Variants in DLG2 observed in about 807,000 individuals in gnomAD.
DLG2 encodes discs large MAGUK scaffold protein 2, also known as disks large homolog 2.
In DLG2, 45 loss-of-function variants were observed where a neutral mutation model predicts 132.5. The ratio of observed to expected loss-of-function variants is 0.34; its 90% CI spans 0.27 to 0.44. DLG2 has a LOEUF of 0.44. DLG2 is among the 20% of genes least tolerant of loss of function. The pLI is 1.00. For synonymous variants in DLG2, 424 were observed against 419.6 expected, an observed-to-expected ratio of 1.01 and a Z score of -0.13; for missense variants, 1,045 against 1,196.9, an observed-to-expected ratio of 0.87 and a Z score of 1.87.
intron 3 of DLG2, among the ~76,000 whole-genome samples, chr11:85,587,088 A>G (rs2079018836): frequency 6.6e-6 from 1 of 152,128 alleles, no homozygotes; most frequent in Non-Finnish European, 1.5e-5. Context: ...ATTTTCTTAA[A>G]TTAATATTGA....
At chr11:83,954,070 G>C (rs1476196339) in intron 14 of DLG2, among the ~76,000 whole-genome samples, 1 of 152,162 alleles carries the variant, frequency 6.6e-6, no homozygotes, top group Non-Finnish European at 1.5e-5. Context: ...ATAGAGCATA[G>C]TGTTGTGTGT....
intron 9 of DLG2, among the ~76,000 whole-genome samples, chr11:84,101,970 A>G (rs1047129362): frequency 6.6e-6 from 1 of 152,176 alleles, no homozygotes; most frequent in African/African-American, 2.4e-5. Context: ...CCCAGGAACA[A>G]TGAAGTGAAC....
chr11:85,570,161 C>CTG (rs1264087569), intron 3 of DLG2, among the ~76,000 whole-genome samples: 1 of 152,082 alleles, frequency 6.6e-6, no homozygotes, highest in African/African-American at 2.4e-5. Flanking sequence ...GAAAAACTTG[C>CTG]ATCACCCACT....
chr11:83,877,859 C>T (rs187301620), intron 15 of DLG2, among the ~76,000 whole-genome samples: 1 of 152,168 alleles, frequency 6.6e-6, no homozygotes, highest in Admixed American at 6.6e-5. Context: ...TTTGGAGCTA[C>T]CTGATGGTGA....
At chr11:85,292,173 A>T (rs1221713713) in intron 3 of DLG2, among the ~76,000 whole-genome samples, 1 of 152,114 alleles carries the variant, frequency 6.6e-6, no homozygotes, top group Non-Finnish European at 1.5e-5. Context: ...TCTCTTCTGC[A>T]AAGTAAAAAG....
At chr11:84,858,124 C>T (rs374234441) in intron 6 of DLG2, among the ~76,000 whole-genome samples, 9 of 152,176 alleles carry the variant, frequency 5.9e-5, no homozygotes, top group African/African-American at 2.2e-4. Context: ...AACTCTTGAG[C>T]TCAAGTGATC....
chr11:83,851,267 G>A (rs771327177), intron 16 of DLG2, among the ~76,000 whole-genome samples: 77 of 152,162 alleles, frequency 5.1e-4, no homozygotes, highest in Middle Eastern at 6.8e-3. Context: ...GATGTTAGAT[G>A]TTAAGAAGAG....
chr11:85,024,854 A>C (rs755179550), intron 6 of DLG2, among the ~76,000 whole-genome samples: 9 of 152,206 alleles, frequency 5.9e-5, no homozygotes, highest in Non-Finnish European at 1.3e-4. Context: ...ATGTCTGCAG[A>C]GGGACTAAAG....
intron 15 of DLG2, among the ~76,000 whole-genome samples, chr11:83,919,344 C>T (rs2077452161): frequency 6.6e-6 from 1 of 152,088 alleles, no homozygotes; most frequent in African/African-American, 2.4e-5. Context: ...GAAAACGGGG[C>T]TACTATCTGA....
At chr11:85,040,025 A>G (rs1354532195) in intron 6 of DLG2, among the ~76,000 whole-genome samples, 1 of 151,928 alleles carries the variant, frequency 6.6e-6, no homozygotes, top group Non-Finnish European at 1.5e-5. Context: ...GTGAATCCGG[A>G]TTCCATAGCA....
intron 8 of DLG2, among the ~76,000 whole-genome samples, chr11:84,199,743 T>C (rs2096567673): frequency 6.6e-6 from 1 of 152,074 alleles, no homozygotes; most frequent in Non-Finnish European, 1.5e-5. Flanking sequence ...ATAGAAATTA[T>C]TCAGGATAAA....
At chr11:85,506,743 C>T (rs974874150) in intron 3 of DLG2, among the ~76,000 whole-genome samples, 1 of 152,136 alleles carries the variant, frequency 6.6e-6, no homozygotes, top group Non-Finnish European at 1.5e-5. Flanking sequence ...CCGCTTGGTG[C>T]AGAGCTGAGT....
At chr11:84,036,442 G>A (rs2095865085) in intron 11 of DLG2, among the ~76,000 whole-genome samples, 1 of 151,976 alleles carries the variant, frequency 6.6e-6, no homozygotes, top group South Asian at 2.1e-4. Context: ...ATTGATTAAT[G>A]AATCAAATGT....
chr11:84,291,112 C>T (rs904029490), intron 7 of DLG2, among the ~76,000 whole-genome samples: 1 of 152,060 alleles, frequency 6.6e-6, no homozygotes, highest in Admixed American at 6.6e-5. Context: ...AGTAAATTAT[C>T]TAGGAATCTC....
chr11:84,004,637 C>T (rs1012868768), intron 11 of DLG2, among the ~76,000 whole-genome samples: 2 of 151,750 alleles, frequency 1.3e-5, no homozygotes, highest in South Asian at 2.1e-4. Context: ...TTCTGTACAA[C>T]AATAATAGTC....
chr11:85,008,136 G>T (rs1037737106), intron 6 of DLG2, among the ~76,000 whole-genome samples: 1 of 152,056 alleles, frequency 6.6e-6, no homozygotes, highest in Non-Finnish European at 1.5e-5. Flanking sequence ...TTAGGTTTCT[G>T]CCATGAAATG....
At chr11:85,486,897 G>C (rs973114093) in intron 3 of DLG2, among the ~76,000 whole-genome samples, 2 of 150,396 alleles carry the variant, frequency 1.3e-5, no homozygotes, top group South Asian at 4.3e-4. Context: ...GGCCTTAAAA[G>C]AGACACCACC....
At chr11:84,782,027 C>T (rs980606830) in intron 6 of DLG2, among the ~76,000 whole-genome samples, 3 of 152,060 alleles carry the variant, frequency 2.0e-5, no homozygotes, top group African/African-American at 7.2e-5. Flanking sequence ...GCTTGGAATA[C>T]CATTAGCAGC....
At chr11:85,293,644 T>G (rs2079046764) in intron 3 of DLG2, among the ~76,000 whole-genome samples, 1 of 152,110 alleles carries the variant, frequency 6.6e-6, no homozygotes, top group Non-Finnish European at 1.5e-5. Flanking sequence ...GCTTATGAAC[T>G]ATTGCAGATT....
Sources: gnomAD v4.1 joint callset for allele counts (sites outside exome capture counted in the v4.1 genomes callset) on GRCh38, gnomAD v4.1.1 for gene constraint, MANE v1.5 for transcripts, NCBI Gene and HGNC (gene_info 2026-07-23, HGNC 2026-07-21) for gene names.